Variants in PEBP4 observed in about 807,000 individuals in gnomAD.
PEBP4 encodes the protein phosphatidylethanolamine binding protein 4, also known as phosphatidylethanolamine-binding protein 4.
A neutral mutation model predicts 23.9 loss-of-function variants in PEBP4; 22 were observed. The ratio of observed to expected loss-of-function variants is 0.92; its 90% CI spans 0.66 to 1.31. The LOEUF (loss-of-function observed/expected upper bound fraction) is 1.31, where lower values mean the gene tolerates loss of function less well. Ranked by LOEUF, PEBP4 falls within the 40% of genes most tolerant of loss-of-function variation. The pLI is 0.00. For synonymous variants in PEBP4, 112 were observed against 99.3 expected (o/e 1.13, Z -0.76); for missense variants, 324 against 281.7 (o/e 1.15, Z -1.07).
chr8:22,766,997 C>T (rs1805624943), intron 4 of PEBP4, among the ~76,000 whole-genome samples: 1 of 152,238 alleles, frequency 6.6e-6, no homozygotes, highest in African/African-American at 2.4e-5. Flanking sequence ...CCTTACTTCA[C>T]CGTGGGGGTC....
chr8:22,893,593 T>G (rs777943981), intron 3 of PEBP4, among the ~76,000 whole-genome samples: 1 of 152,146 alleles, frequency 6.6e-6, no homozygotes, highest in East Asian at 1.9e-4. Flanking sequence ...CCCAGAGACA[T>G]AGAAAATATT....
chr8:22,840,291 T>C (rs1221579151), intron 3 of PEBP4, among the ~76,000 whole-genome samples: 1 of 152,150 alleles, frequency 6.6e-6, no homozygotes, highest in Non-Finnish European at 1.5e-5. Flanking sequence ...CTGGTGGGCC[T>C]TTAACAAAGA....
At chr8:22,840,348 G>A (rs1160318510) in intron 3 of PEBP4, among the ~76,000 whole-genome samples, 1 of 151,788 alleles carries the variant, frequency 6.6e-6, no homozygotes, top group East Asian at 1.9e-4. Flanking sequence ...CCTATTGGCT[G>A]GGGTGTCCCA....
chr8:22,780,161 A>G (rs10104954), intron 4 of PEBP4, among the ~76,000 whole-genome samples: 32,698 of 151,966 alleles, frequency 0.22, 3,635 homozygotes, highest in East Asian at 0.32. Context: ...GATAGTGTTC[A>G]CCATGTTGCT....
rs1015693907 is a variant in PEBP4, at chr8:22,826,053, G to A, written c.259-8318C>T. On this transcript the variant is annotated intron_variant, in intron 3 of 6. Coordinates refer to ENST00000256404, the MANE Select transcript of PEBP4 (RefSeq NM_144962.3). ...GTGGGGTGGTGGGGGGACATGGGGAGTTGCTCATTGATGAGTATAGACTTT... is the reference window on the plus strand; with the variant it reads ...GTGGGGTGGTGGGGGGACATGGGGAATTGCTCATTGATGAGTATAGACTTT... 5.3e-5 allele frequency among the ~76,000 whole-genome samples: 8 copies of A among 152,258 alleles called. No individual in the cohort carries two copies. In the South Asian group the frequency reaches 1.0e-3, roughly 20 times the overall value.
intron 4 of PEBP4, among the ~76,000 whole-genome samples, chr8:22,744,109 G>A (rs1385612860): frequency 6.6e-6 from 1 of 152,214 alleles, no homozygotes; most frequent in African/African-American, 2.4e-5. Flanking sequence ...TTTGAATTCT[G>A]CCTCCCTCTC....
chr8:22,864,417 T>C (rs1174005899), intron 3 of PEBP4, among the ~76,000 whole-genome samples: 7 of 141,420 alleles, frequency 4.9e-5, no homozygotes. Flanking sequence ...CCTCTGAACC[T>C]AACCCAGGAC....
At chr8:22,847,487 C>T (rs565178857) in intron 3 of PEBP4, among the ~76,000 whole-genome samples, 2 of 152,268 alleles carry the variant, frequency 1.3e-5, no homozygotes, top group Admixed American at 1.3e-4. Context: ...GACAGGAGAT[C>T]CTGGTTGCAG....
intron 3 of PEBP4, 40 bp from the exon 4 acceptor site, chr8:22,817,775 T>C: frequency 6.3e-7 from 1 of 1,580,014 alleles, no homozygotes; most frequent in Non-Finnish European, 8.7e-7. Context: ...GCGTCATGGC[T>C]GAAATAGGAA....
chr8:22,853,760 A>T (rs1807589581), intron 3 of PEBP4, among the ~76,000 whole-genome samples: 1 of 152,186 alleles, frequency 6.6e-6, no homozygotes, highest in Admixed American at 6.5e-5. Flanking sequence ...CTAATAAATG[A>T]CAGCCTGAGT....
chr8:22,839,248 G>A (rs1232650579), intron 3 of PEBP4, among the ~76,000 whole-genome samples: 6 of 152,220 alleles, frequency 3.9e-5, no homozygotes, highest in Middle Eastern at 3.4e-3. Flanking sequence ...TGGTCATCAC[G>A]GGATTCAGCC....
rs1234736464 is a variant in PEBP4, at chr8:22,899,697, G to A, written c.258+20487C>T. 2.0e-5 allele frequency among the ~76,000 whole-genome samples: 3 copies of A among 152,194 alleles called. No homozygotes were observed. In the East Asian group the frequency reaches 5.8e-4, roughly 29 times the overall value. On this transcript the variant is annotated intron_variant, in intron 3 of 6. Coordinates refer to ENST00000256404, the MANE Select transcript of PEBP4 (RefSeq NM_144962.3). ...GGGTGAGGAGGAGAGAGAGGAGGGTGCCAGGCATCTCATCTGCTCAATGCT... is the reference window on the plus strand; with the variant it reads ...GGGTGAGGAGGAGAGAGAGGAGGGTACCAGGCATCTCATCTGCTCAATGCT...
At chr8:22,892,245 G>A (rs1033646718) in intron 3 of PEBP4, among the ~76,000 whole-genome samples, 3 of 152,100 alleles carry the variant, frequency 2.0e-5, no homozygotes, top group Non-Finnish European at 4.4e-5. Flanking sequence ...TGACACGTAT[G>A]GATTGTTTTA....
At chr8:22,852,048 C>T (rs989083742) in intron 3 of PEBP4, among the ~76,000 whole-genome samples, 8 of 152,000 alleles carry the variant, frequency 5.3e-5, no homozygotes, top group African/African-American at 9.7e-5. Flanking sequence ...TACACAGACC[C>T]GGAGAGAATA....
At chr8:22,927,261 C>T (rs770878746) in intron 2 of PEBP4, among the ~76,000 whole-genome samples, 90 of 152,002 alleles carry the variant, frequency 5.9e-4, no homozygotes, top group Non-Finnish European at 1.0e-3. Context: ...GATGGTCTCT[C>T]TCTGGGTCTC....
chr8:22,813,633 A>T (rs1370632758), intron 4 of PEBP4, among the ~76,000 whole-genome samples: 2 of 152,252 alleles, frequency 1.3e-5, no homozygotes, highest in Non-Finnish European at 2.9e-5. Flanking sequence ...TATTAGTTAG[A>T]TGGAGTCAGA....
intron 3 of PEBP4, among the ~76,000 whole-genome samples, chr8:22,911,789 C>A (rs541698195): frequency 6.6e-6 from 1 of 152,280 alleles, no homozygotes; most frequent in Admixed American, 6.5e-5. Flanking sequence ...AACAAACAAA[C>A]AAAAAAACAA....
intron 4 of PEBP4, among the ~76,000 whole-genome samples, chr8:22,776,810 C>T (rs1027546800): frequency 2.7e-5 from 4 of 149,300 alleles, no homozygotes; most frequent in Non-Finnish European, 4.4e-5. Context: ...GTCAATGAAT[C>T]CCATGCCAGC....
At chr8:22,831,827 A>G (rs1458806175) in intron 3 of PEBP4, among the ~76,000 whole-genome samples, 2 of 152,202 alleles carry the variant, frequency 1.3e-5, no homozygotes, top group African/African-American at 4.8e-5. Flanking sequence ...AGGGAGCAGC[A>G]ACTTGTGTTG....
Sources: allele counts gnomAD v4.1 joint callset (sites outside exome capture counted in the v4.1 genomes callset), GRCh38; gene constraint gnomAD v4.1.1; transcripts MANE v1.5; gene names NCBI Gene and HGNC (gene_info 2026-07-23, HGNC 2026-07-21).